The following NUP98 variants were observed in gnomAD, a reference collection of about 807,000 sequenced individuals.
The protein encoded by NUP98 is nuclear pore complex protein Nup98-Nup96.
NUP98 carries 26 observed loss-of-function variants against 191.9 expected under a neutral mutation model. That is an observed-to-expected ratio of 0.14 (90% CI 0.10 to 0.19). NUP98 has a LOEUF of 0.19. Ranked by LOEUF, NUP98 falls within the 10% of genes least tolerant of loss-of-function variation. The pLI is 1.00. For synonymous variants in NUP98, 808 were observed against 778.4 expected, an observed-to-expected ratio of 1.04 and a Z score of -0.63; for missense variants, 1,941 against 2,178.8, an observed-to-expected ratio of 0.89 and a Z score of 2.17.
rs552136392 is a variant in NUP98, at chr11:3,776,422, A to G, written c.356-401T>C. ...TTACAGGTGTGAGCCACTGCACCTGATCTCATATCCTGAAATTTTTCACCT... is the reference window on the plus strand; with the variant it reads ...TTACAGGTGTGAGCCACTGCACCTGGTCTCATATCCTGAAATTTTTCACCT... On this transcript the variant is annotated intron_variant, in intron 4 of 32. Transcript: ENST00000324932. Among the ~76,000 whole-genome samples the G allele has an allele frequency of 2.5e-3, 375 of 150,794 alleles. 3 individuals carry two copies. Among genetic ancestry groups the G allele is most frequent in the Non-Finnish European group, 4.4e-3 (296 of 67,640 alleles).
chr11:3,695,372 C>T (rs1435482694), intron 26 of NUP98, 77 bp downstream of exon 26: 22 of 1,324,906 alleles, frequency 1.7e-5, no homozygotes, highest in Non-Finnish European at 2.1e-5. Context: ...ACAAAGATCA[C>T]TCCTTGCCTC....
Position 3,676,630 on chromosome 11 carries a change from A to T in NUP98, c.5074-10T>A, listed in dbSNP as rs373865868. The T allele has an allele frequency of 6.2e-7, 1 of 1,602,360 alleles. No homozygotes were observed. Among genetic ancestry groups the T allele is most frequent in the Non-Finnish European group, 8.6e-7 (1 of 1,169,398 alleles). On this transcript the variant is annotated splice_polypyrimidine_tract_variant and intron_variant, in intron 31 of 32. Transcript: ENST00000324932. ...TACCTGAGCAATCCACCTACAAAGA[A>T]GCAGAGAAGCCAATTAATCCAAGGG...
intron 21 of NUP98, among the ~76,000 whole-genome samples, chr11:3,706,020 G>A (rs2078848691): frequency 7.0e-6 from 1 of 142,786 alleles, no homozygotes. Flanking sequence ...AAAAAAAGTA[G>A]CCAGGTGTGG....
intron 25 of NUP98, among the ~76,000 whole-genome samples, chr11:3,696,501 T>C (rs2078511195): frequency 6.7e-6 from 1 of 149,264 alleles, no homozygotes; most frequent in Non-Finnish European, 1.5e-5. Context: ...GACTCTGTCT[T>C]GGTGCAGGGG....
At chr11:3,777,350 C>G (rs565089988) in intron 4 of NUP98, among the ~76,000 whole-genome samples, 1 of 152,262 alleles carries the variant, frequency 6.6e-6, no homozygotes, top group African/African-American at 2.4e-5. Context: ...ATGCCAGGTG[C>G]GGTGGCTCAC....
chr11:3,767,596 C>T (rs2081381818), intron 8 of NUP98, among the ~76,000 whole-genome samples: 1 of 152,128 alleles, frequency 6.6e-6, no homozygotes, highest in Non-Finnish European at 1.5e-5. Context: ...GCTGGGATTA[C>T]AGGCATAAGC....
chr11:3,712,340 G>A, intron 20 of NUP98: 1 of 1,356,082 alleles, frequency 7.4e-7, no homozygotes, highest in Non-Finnish European at 9.4e-7. Flanking sequence ...ACAATCTGTA[G>A]AGGAATAATC....
intron 1 of NUP98, among the ~76,000 whole-genome samples, chr11:3,797,187 G>A (rs1171002652): frequency 2.6e-5 from 4 of 152,268 alleles, no homozygotes; most frequent in Non-Finnish European, 4.4e-5. Context: ...AGACCCCACT[G>A]ATGTCCATTC....
At chr11:3,700,238 C>T (rs1301686719) in intron 24 of NUP98, among the ~76,000 whole-genome samples, 4 of 134,320 alleles carry the variant, frequency 3.0e-5, no homozygotes, top group African/African-American at 8.4e-5. Context: ...CCTATACTCC[C>T]AGCTACAGTG....
intron 12 of NUP98, among the ~76,000 whole-genome samples, chr11:3,737,321 C>CA (rs34718372): frequency 0.17 from 18,593 of 111,860 alleles, 1,429 homozygotes; most frequent in East Asian, 0.32. Context: ...GCAGTAATAA[C>CA]AAAAAAAAAA....
intron 11 of NUP98, among the ~76,000 whole-genome samples, chr11:3,752,890 C>G (rs2080817427): frequency 6.6e-6 from 1 of 152,138 alleles, no homozygotes; most frequent in Admixed American, 6.6e-5. Context: ...GACAATGGAA[C>G]TAAATGAAAT....
chr11:3,740,507 A>C (rs889190834), intron 12 of NUP98, among the ~76,000 whole-genome samples: 1 of 149,924 alleles, frequency 6.7e-6, no homozygotes, highest in East Asian at 1.9e-4. Context: ...AGAGAGCAAG[A>C]CTCTGTCTCA....
intron 11 of NUP98, among the ~76,000 whole-genome samples, chr11:3,748,755 A>G (rs1194787750): frequency 6.6e-6 from 1 of 152,140 alleles, no homozygotes; most frequent in Non-Finnish European, 1.5e-5. Flanking sequence ...TACCAAAGCT[A>G]TTTTTTCCTA....
intron 8 of NUP98, among the ~76,000 whole-genome samples, chr11:3,764,586 T>A (rs2081277137): frequency 6.6e-6 from 1 of 152,186 alleles, no homozygotes; most frequent in South Asian, 2.1e-4. Flanking sequence ...CTACTGTATT[T>A]TTTTGTTGTT....
intron 12 of NUP98, among the ~76,000 whole-genome samples, chr11:3,740,436 G>C (rs143974499): frequency 6.6e-6 from 1 of 151,822 alleles, no homozygotes; most frequent in Non-Finnish European, 1.5e-5. Flanking sequence ...ACTTGAACCT[G>C]GGAGGCGAAG....
intron 12 of NUP98, among the ~76,000 whole-genome samples, chr11:3,738,098 A>AC (rs2080140830): frequency 2.9e-5 from 4 of 138,206 alleles, no homozygotes; most frequent in Admixed American, 7.3e-5. Flanking sequence ...AAAAAAAAAA[A>AC]AAAAAAAAAC....
intron 8 of NUP98, among the ~76,000 whole-genome samples, chr11:3,765,003 C>A (rs1291888096): frequency 1.3e-5 from 2 of 152,288 alleles, no homozygotes; most frequent in East Asian, 1.9e-4. Context: ...CATATCTTCT[C>A]TGGAGAAATG....
At chr11:3,791,919 C>T (rs1398675402) in intron 1 of NUP98, among the ~76,000 whole-genome samples, 1 of 151,516 alleles carries the variant, frequency 6.6e-6, no homozygotes, top group African/African-American at 2.4e-5. Flanking sequence ...GCGGCTCATG[C>T]CTGTAATCCC....
At chr11:3,733,458 C>T (rs953788375) in intron 13 of NUP98, among the ~76,000 whole-genome samples, 4 of 152,088 alleles carry the variant, frequency 2.6e-5, no homozygotes, top group Non-Finnish European at 4.4e-5. Flanking sequence ...ATTATGGGCA[C>T]GCACCACCAT....
Sources: gnomAD v4.1 joint callset for allele counts (sites outside exome capture counted in the v4.1 genomes callset) on GRCh38, gnomAD v4.1.1 for gene constraint, MANE v1.5 for transcripts, NCBI Gene and HGNC (gene_info 2026-07-23, HGNC 2026-07-21) for gene names.